Variants in RPL18 observed in about 807,000 individuals in gnomAD.
The protein encoded by RPL18 is ribosomal protein L18.
Under a neutral mutation model 25.0 loss-of-function variants are expected in RPL18, and 4 were observed. The observed-to-expected ratio is 0.16, with a 90% CI of 0.08 to 0.37. RPL18 has a LOEUF of 0.37. Ranked by LOEUF, RPL18 falls within the 10% of genes least tolerant of loss-of-function variation. The pLI is 1.00. For missense variants in RPL18, 179 were observed against 267.9 expected, an observed-to-expected ratio of 0.67 and a Z score of 2.32; for synonymous variants, 129 against 101.6, an observed-to-expected ratio of 1.27 and a Z score of -1.62.
intron 6 of RPL18, 84 bp downstream of exon 6, chr19:48,615,793 T>C (rs2147653943): frequency 1.6e-6 from 2 of 1,229,534 alleles, no homozygotes; most frequent in East Asian, 2.5e-5. Flanking sequence ...GTACGAGGGA[T>C]AGGAGAAGCA....
In RPL18 at chr19:48,617,310, A is replaced by G; in HGVS notation, c.198+6T>C. On this transcript the variant is annotated splice_donor_region_variant and intron_variant, in intron 3 of 6. Transcript: ENST00000549920. Reference sequence around the variant, plus strand: ...GTCTACCGTGCTCTCTGGACCAGCCACTCACCATCCGGGAAAGGGACAGAG... The same window carrying G: ...GTCTACCGTGCTCTCTGGACCAGCCGCTCACCATCCGGGAAAGGGACAGAG... 6.2e-7 allele frequency: 1 copy of G among 1,611,426 alleles called. No individual in the cohort carries two copies. Among genetic ancestry groups the G allele is most frequent in the Non-Finnish European group, 8.5e-7 (1 of 1,177,642 alleles).
At chr19:48,616,897 G>T in intron 3 of RPL18, 73 bp from the exon 4 acceptor site, 1 of 1,149,140 alleles carries the variant, frequency 8.7e-7, no homozygotes, top group Non-Finnish European at 1.3e-6. Context: ...GCATCCCCAG[G>T]CCAGGGCAGC....
intron 1 of RPL18, chr19:48,618,579 T>C (rs1357510763): frequency 6.2e-6 from 1 of 161,208 alleles, no homozygotes; most frequent in East Asian, 1.8e-4. Flanking sequence ...AACCCCGTGA[T>C]GAGCATCTCC....
rs1473845018 is a variant in RPL18, at chr19:48,619,125, C to T, written c.3+16G>A. 1.2e-6 allele frequency: 2 copies of T among 1,600,798 alleles called. No homozygotes were observed. The highest frequency in any genetic ancestry group is 1.7e-5 in the Admixed American group (1 of 57,938). The stretch of plus-strand genomic sequence containing the variant: ...CAGCGGATTATCCAGCCCCGAACGC[C>T]GCAAAGCGAGCTCACCATGATGGCG... On this transcript the variant is annotated intron_variant, in intron 1 of 6. Transcript: ENST00000549920.
intron 1 of RPL18, 120 bp downstream of exon 1, chr19:48,619,021 C>A: frequency 9.4e-7 from 1 of 1,059,042 alleles, no homozygotes; most frequent in South Asian, 1.4e-5. Flanking sequence ...TCCCCAGTAT[C>A]GGGAATTGCT....
In RPL18 at chr19:48,617,848, T is replaced by G; in HGVS notation, c.33A>C (p.Arg11=). The G allele has an allele frequency of 6.2e-7, 1 of 1,614,202 alleles. No homozygotes were observed. The highest frequency in any genetic ancestry group is 8.5e-7 in the Non-Finnish European group (1 of 1,180,026). MGVDIRHNKD[R]KVRRKEPKSQ... is the part of the protein sequence containing the mutation. ...TCTTGGGCTCCTTGCGCCGAACCTT[T>G]CGGTCCTTGTTATGGCGGATGTCCA... Residue 11 remains arginine, a synonymous_variant, in exon 2 of 7, where the codon CGA becomes CGC. Transcript: ENST00000549920.
rs750689486 is a variant in RPL18, at chr19:48,617,442, A to G, written c.91-19T>C. On this transcript the variant is annotated intron_variant, in intron 2 of 6. Coordinates refer to ENST00000549920, the MANE Select transcript of RPL18 (RefSeq NM_000979.4). ...TGTATAACTGGAGGGACGGGAAGAC[A>G]GTGAGAAGCTGGGACAGCCTGCTCC... 1.9e-6 allele frequency: 3 copies of G among 1,583,582 alleles called. No homozygotes were observed. Among genetic ancestry groups the G allele is most frequent in the African/African-American group, 1.3e-5 (1 of 74,324 alleles).
chr19:48,619,150 G>A lies in RPL18; in HGVS notation c.-7C>T, dbSNP rs754806825. The A allele has an allele frequency of 2.8e-5, 38 of 1,380,140 alleles. No individual in the cohort carries two copies. Among genetic ancestry groups the A allele is most frequent in the East Asian group, 1.5e-4 (4 of 26,662 alleles). 85.5% of individuals were successfully genotyped at this position (1,380,140 alleles called of 1,614,324 possible). A position where few individuals can be genotyped will look rare whatever the true frequency, so the allele number is the denominator to read the frequency against. Reference sequence around the variant, plus strand: ...CGCAAAGCGAGCTCACCATGATGGCGCCTCCTGCTCGGCCAGGTCCGGAAA... The same window carrying A: ...CGCAAAGCGAGCTCACCATGATGGCACCTCCTGCTCGGCCAGGTCCGGAAA... On this transcript the variant is annotated 5_prime_UTR_variant, in exon 1 of 7. Coordinates refer to ENST00000549920, the MANE Select transcript of RPL18 (RefSeq NM_000979.4).
intron 1 of RPL18, 41 bp from the exon 2 acceptor site, chr19:48,617,918 A>T (rs756779199): frequency 1.4e-6 from 2 of 1,408,890 alleles, no homozygotes; most frequent in Non-Finnish European, 2.0e-6. Flanking sequence ...AATTACCCCC[A>T]ACCATAGCCA....
rs763203097 is a variant in RPL18, at chr19:48,616,853, G to C, written c.199-29C>G. On this transcript the variant is annotated intron_variant, in intron 3 of 6. Transcript: ENST00000549920. ...AGGGTGGGGAGGATGTACGTCGTAA[G>C]TTGTTCTGGTGTTTACATTCAGCCC... The C allele has an allele frequency of 9.0e-6, 14 of 1,550,422 alleles. No homozygotes were observed. In the East Asian group the frequency reaches 2.5e-4, roughly 27 times the overall value.
chr19:48,618,869 G>T (rs1467458242), intron 1 of RPL18: 13 of 535,082 alleles, frequency 2.4e-5, no homozygotes, highest in Non-Finnish European at 4.0e-5. Context: ...CCAGCCACCT[G>T]GGTCGGAATC....
chr19:48,616,445 G>A (rs1974173905), intron 4 of RPL18: 4 of 654,958 alleles, frequency 6.1e-6, no homozygotes, highest in Non-Finnish European at 1.1e-5. Context: ...CCTGTGCAGA[G>A]GTGACAAAGG....
intron 3 of RPL18, 56 bp from the exon 4 acceptor site, chr19:48,616,880 G>A (rs914600336): frequency 2.5e-5 from 34 of 1,337,648 alleles, no homozygotes; most frequent in Non-Finnish European, 3.1e-5. Flanking sequence ...ATTCAGCCCC[G>A]CTTGAGGCAT....
At position 48,616,174 on chromosome 19, in the gene RPL18, G is replaced by A. The variant is rs1418479825; in HGVS notation, c.326C>T (p.Ala109Val). The A allele has an allele frequency of 4.3e-6, 7 of 1,613,856 alleles. No homozygotes were observed. The highest frequency in any genetic ancestry group is 5.9e-6 in the Non-Finnish European group (7 of 1,180,028). Residue 109 changes from alanine (A) to valine (V), a missense_variant, in exon 5 of 7, where the codon GCC (alanine) becomes GTC (valine). Transcript: ENST00000549920. Reference sequence around the variant, plus strand: ...CCCTGCCCTGAGGATGCGGCTGCGGGCCCGGCTGGTCACGCGCAGTGCACA... The same window carrying A: ...CCCTGCCCTGAGGATGCGGCTGCGGACCCGGCTGGTCACGCGCAGTGCACA... ...KVCALRVTSR[A>V]RSRILRAGGK...
At chr19:48,616,247 A>T in intron 4 of RPL18, 45 bp from the exon 5 acceptor site, 1 of 1,605,702 alleles carries the variant, frequency 6.2e-7, no homozygotes, top group Non-Finnish European at 8.5e-7. Flanking sequence ...CTGCGTGGTC[A>T]CCCAGGGGCT....
Position 48,616,602 on chromosome 19 carries a change from A to AG in RPL18, c.297+123dup, listed in dbSNP as rs1974178194. The AG allele has an allele frequency of 1.5e-5, 12 of 796,502 alleles. No homozygotes were observed. The East Asian group carries it at 3.1e-4, about 21-fold the overall frequency. The allele number at this position is 796,502 out of a possible 1,614,324, so 49.3% of individuals were successfully genotyped here. A position where few individuals can be genotyped will look rare whatever the true frequency, so the allele number is the denominator to read the frequency against. Reference sequence around the variant, plus strand: ...AATCCTCAAAGCCACTCAGACAGGCAGGATGCTTGCCTCACCAGCGGTGGC... The same window carrying AG: ...AATCCTCAAAGCCACTCAGACAGGCAGGGATGCTTGCCTCACCAGCGGTGGC... On this transcript the variant is annotated intron_variant, in intron 4 of 6. Transcript: ENST00000549920.
intron 6 of RPL18, 195 bp downstream of exon 6, chr19:48,615,682 A>G (rs1974145059): frequency 4.6e-6 from 3 of 651,360 alleles, no homozygotes; most frequent in African/African-American, 3.6e-5. Flanking sequence ...TCCCCAGGAG[A>G]TGCCTGCTCA....
intron 1 of RPL18, 98 bp downstream of exon 1, chr19:48,619,043 G>C: frequency 7.5e-7 from 1 of 1,335,664 alleles, no homozygotes; most frequent in Admixed American, 2.0e-5. Context: ...CCTCCGGGCA[G>C]CCGCAGACCC....
intron 1 of RPL18, chr19:48,618,682 C>A (rs1974264772): frequency 4.8e-6 from 1 of 206,202 alleles, no homozygotes; most frequent in Admixed American, 5.3e-5. Context: ...GGCTCAAAAA[C>A]CATCACAAGG....
Sources: allele counts gnomAD v4.1 joint callset, GRCh38; gene constraint gnomAD v4.1.1; transcripts MANE v1.5; gene names NCBI Gene and HGNC (gene_info 2026-07-23, HGNC 2026-07-21).